TUBGCP3: variants seen among roughly 807,000 people sequenced by gnomAD.
TUBGCP3 encodes the protein tubulin gamma complex component 3.
TUBGCP3 carries 50 observed loss-of-function variants against 123.1 expected under a neutral mutation model. The observed-to-expected ratio is 0.41, with a 90% CI of 0.32 to 0.51. The LOEUF (loss-of-function observed/expected upper bound fraction) is 0.51, where lower values mean the gene tolerates loss of function less well. Among genes scored for constraint, TUBGCP3 ranks in the 20% least tolerant of loss-of-function variants. The probability of loss-of-function intolerance (pLI) is 0.36; values close to 1 mark genes in which losing one functional copy is unlikely to be tolerated. For synonymous variants in TUBGCP3, 405 were observed against 413.9 expected, an observed-to-expected ratio of 0.98 and a Z score of 0.26; for missense variants, 882 against 1,127.0, an observed-to-expected ratio of 0.78 and a Z score of 3.11.
At chr13:112,522,179 A>G (rs760114534) in intron 14 of TUBGCP3, 141 bp downstream of exon 14, 4 of 895,426 alleles carry the variant, frequency 4.5e-6, no homozygotes, top group Admixed American at 3.3e-5. Context: ...AAAATTTTAC[A>G]TTCTTTTCAG....
chr13:112,588,515 C>G (rs1260271302), upstream of TUBGCP3, among the ~76,000 whole-genome samples: 2 of 152,110 alleles, frequency 1.3e-5, no homozygotes, highest in African/African-American at 2.4e-5. Flanking sequence ...CAGGGTGTTA[C>G]GATTGTTAAC....
At chr13:112,563,263 G>A (rs188693231) in intron 3 of TUBGCP3, among the ~76,000 whole-genome samples, 1 of 152,186 alleles carries the variant, frequency 6.6e-6, no homozygotes, top group African/African-American at 2.4e-5. Flanking sequence ...CCACATACGG[G>A]GCCCTAACTA....
chr13:112,549,700 T>C (rs949875011), intron 8 of TUBGCP3, among the ~76,000 whole-genome samples: 2 of 151,992 alleles, frequency 1.3e-5, no homozygotes, highest in Non-Finnish European at 2.9e-5. Context: ...TCTTAAAAAC[T>C]GATAGGAGGC....
At chr13:112,516,398 G>T in intron 17 of TUBGCP3, 42 bp downstream of exon 17, 1 of 1,522,682 alleles carries the variant, frequency 6.6e-7, no homozygotes, top group Non-Finnish European at 8.9e-7. Flanking sequence ...GCTGGAGGCC[G>T]CTGGGAGTGT....
chr13:112,489,828 T>A, intron 20 of TUBGCP3, 131 bp from the exon 21 acceptor site: 1 of 660,820 alleles, frequency 1.5e-6, no homozygotes, highest in Non-Finnish European at 2.6e-6. Flanking sequence ...TTCAACACTT[T>A]CACAATAATT....
At chr13:112,583,479 G>C (rs1882408220) in intron 1 of TUBGCP3, among the ~76,000 whole-genome samples, 1 of 152,188 alleles carries the variant, frequency 6.6e-6, no homozygotes, top group Non-Finnish European at 1.5e-5. Context: ...AGCTGGAATT[G>C]CGTTCAGTCC....
At chr13:112,522,558 T>C in intron 13 of TUBGCP3, 49 bp from the exon 14 acceptor site, 1 of 1,555,660 alleles carries the variant, frequency 6.4e-7, no homozygotes. Flanking sequence ...AATTTGTATT[T>C]CCACAGAGGA....
At position 112,545,647 on chromosome 13, in the gene TUBGCP3, G is replaced by T; in HGVS notation, c.1335+52C>A. The T allele has an allele frequency of 1.3e-6, 2 of 1,592,082 alleles. No individual in the cohort carries two copies. The highest frequency in any genetic ancestry group is 1.7e-6 in the Non-Finnish European group (2 of 1,161,154). ...AGGGGAAAAATGAAACAGCATAACT[G>T]CGTGCCCATGCTTTTTAAATCCAAG... On this transcript the variant is annotated intron_variant, in intron 11 of 21. Transcript: ENST00000261965. This position sits in a 1 kb window ranked among gnomAD's most constrained non-coding sequence, Gnocchi z 4.1.
At chr13:112,527,523 T>A (rs764226029) in intron 11 of TUBGCP3, 39 bp from the exon 12 acceptor site, 1 of 1,435,428 alleles carries the variant, frequency 7.0e-7, no homozygotes, top group South Asian at 1.2e-5. Context: ...AAGAGTGATA[T>A]TTATGGCAAA....
At chr13:112,586,481 T>C (rs770527000) in intron 1 of TUBGCP3, among the ~76,000 whole-genome samples, 1 of 152,184 alleles carries the variant, frequency 6.6e-6, no homozygotes, top group Non-Finnish European at 1.5e-5. Flanking sequence ...AAACTCAGTC[T>C]GCTAATGACA....
chr13:112,535,808 G>C (rs995283847), intron 11 of TUBGCP3, among the ~76,000 whole-genome samples: 1 of 152,042 alleles, frequency 6.6e-6, no homozygotes, highest in Non-Finnish European at 1.5e-5. Flanking sequence ...CTCACTGCTG[G>C]TGCTTTTGAT....
At chr13:112,486,292 G>T in intron 21 of TUBGCP3, 141 bp from the exon 22 acceptor site, 11 of 1,044,152 alleles carry the variant, frequency 1.1e-5, no homozygotes, top group Non-Finnish European at 1.4e-5. Context: ...CACCAGGGCA[G>T]GTGTCCAGGG....
chr13:112,512,375 C>G (rs1881727239), intron 17 of TUBGCP3, among the ~76,000 whole-genome samples: 1 of 142,286 alleles, frequency 7.0e-6, no homozygotes, highest in African/African-American at 2.7e-5. Flanking sequence ...TTGCAGTGAG[C>G]TGAGATCACA....
Position 112,562,765 on chromosome 13 carries a change from C to G in TUBGCP3, c.252+2346G>C, listed in dbSNP as rs193147655. On this transcript the variant is annotated intron_variant, in intron 3 of 21. Transcript: ENST00000261965. ...AACTACAGGACCGCAAGTTCAGATA[C>G]AAAACTTTTAAAACTGTGCACAAAC... Among the ~76,000 whole-genome samples, 6 of 152,338 alleles carry G rather than the reference C, an allele frequency of 3.9e-5. No individual in the cohort carries two copies. The East Asian group carries it at 1.2e-3, about 29-fold the overall frequency.
chr13:112,572,083 T>C (rs1881442462), intron 1 of TUBGCP3, among the ~76,000 whole-genome samples: 1 of 152,230 alleles, frequency 6.6e-6, no homozygotes, highest in South Asian at 2.1e-4. Context: ...ATAGCATTTG[T>C]AATTTCCTTC....
At chr13:112,588,325 G>A (rs1046774178), upstream of TUBGCP3, among the ~76,000 whole-genome samples, 5 of 152,230 alleles carry the variant, frequency 3.3e-5, no homozygotes, top group African/African-American at 1.2e-4. Context: ...GAGCGGCCCC[G>A]GAGTCGCGAG....
At chr13:112,578,326 G>A (rs1312627051) in intron 1 of TUBGCP3, among the ~76,000 whole-genome samples, 2 of 151,716 alleles carry the variant, frequency 1.3e-5, no homozygotes, top group South Asian at 2.1e-4. Context: ...TTGGGAGGCC[G>A]AGGCGGGCGG....
At chr13:112,590,961 C>T (rs762394077), upstream of TUBGCP3, among the ~76,000 whole-genome samples, 2 of 152,144 alleles carry the variant, frequency 1.3e-5, no homozygotes, top group Non-Finnish European at 2.9e-5. Context: ...AATTGTAAAT[C>T]GATGATATTA....
At chr13:112,601,749 A>G in the TUBGCP3 span, among the ~76,000 whole-genome samples, 8 of 152,114 alleles carry the variant, frequency 5.3e-5, no homozygotes, top group African/African-American at 1.9e-4. Flanking sequence ...TTCCGGATTC[A>G]TCTTGCTCTA....
Sources: gnomAD v4.1 joint callset for allele counts (sites outside exome capture counted in the v4.1 genomes callset) on GRCh38, gnomAD v4.1.1 for gene constraint, Gnocchi (gnomAD v3.1) non-coding constraint, MANE v1.5 for transcripts, NCBI Gene and HGNC (gene_info 2026-07-23, HGNC 2026-07-21) for gene names.